Variants in CDC42 observed in about 807,000 individuals in gnomAD.
CDC42 encodes the protein cell division control protein 42 homolog.
In CDC42, 1 loss-of-function variant was observed where a neutral mutation model predicts 20.8. That is an observed-to-expected ratio of 0.05 (90% CI 0.02 to 0.23). CDC42 has a LOEUF of 0.23. Ranked by LOEUF, CDC42 falls within the 10% of genes least tolerant of loss-of-function variation. The pLI is 1.00. For synonymous variants in CDC42, 72 were observed against 84.8 expected (o/e 0.85, Z 0.83); for missense variants, 49 against 227.9 (o/e 0.21, Z 5.05).
intron 5 of CDC42, chr1:22,090,699 A>G (rs1195952765): frequency 1.0e-5 from 10 of 985,198 alleles, no homozygotes; most frequent in African/African-American, 1.7e-5. Flanking sequence ...GCTGAGATGT[A>G]AAGCTGCCAC....
chr1:22,089,430 C>G (rs1423797126), intron 5 of CDC42, among the ~76,000 whole-genome samples: 3 of 152,200 alleles, frequency 2.0e-5, no homozygotes, highest in Non-Finnish European at 4.4e-5. Flanking sequence ...TGCTGAATAA[C>G]TGAAGTGTAT....
chr1:22,078,882 G>T (rs907916425), intron 2 of CDC42: 2 of 1,207,036 alleles, frequency 1.7e-6, no homozygotes, highest in Non-Finnish European at 1.0e-6. Flanking sequence ...TTGGAATGAG[G>T]TGACTTTTTT....
intron 3 of CDC42, among the ~76,000 whole-genome samples, chr1:22,083,517 A>C (rs1645629537): frequency 6.6e-6 from 1 of 151,862 alleles, no homozygotes; most frequent in African/African-American, 2.4e-5. Context: ...AGACAGGAAA[A>C]TTGCTTGAAC....
chr1:22,067,110 G>A (rs1019018638), intron 1 of CDC42, among the ~76,000 whole-genome samples: 1 of 152,106 alleles, frequency 6.6e-6, no homozygotes, highest in Non-Finnish European at 1.5e-5. Context: ...ACAGGGGAAC[G>A]GAGCATGAGA....
At position 22,064,691 on chromosome 1, in the gene CDC42, C is replaced by CTT. The variant is rs35054876; in HGVS notation, c.-51+11960_-51+11961dup. Among the ~76,000 whole-genome samples, 457 of 146,120 alleles carry CTT rather than the reference C, an allele frequency of 3.1e-3. 1 individual carries two copies. Among genetic ancestry groups the CTT allele is most frequent in the African/African-American group, 7.7e-3 (305 of 39,694 alleles). ...TATAGAAGATTGCCTAGAGAAGATTCTTTTTTTTTTTTGAGAGTCTCACTC... is the reference window on the plus strand; with the variant it reads ...TATAGAAGATTGCCTAGAGAAGATTCTTTTTTTTTTTTTTGAGAGTCTCACTC... On this transcript the variant is annotated intron_variant, in intron 1 of 5. Transcript: ENST00000656825.
rs747002932 is a variant in CDC42, at chr1:22,094,294, A to ATTTTTTTTTTTTTTTTTTTTTTTTTTT, written c.*2798_*2799insTTTTTTTTTTTTTTTTTTTTTTTTTTT. Among the ~76,000 whole-genome samples, 1 of 38,302 alleles carries ATTTTTTTTTTTTTTTTTTTTTTTTTTT rather than the reference A, an allele frequency of 2.6e-5. No individual in the cohort carries two copies. The highest frequency in any genetic ancestry group is 1.2e-4 in the African/African-American group (1 of 8,200). 25.1% of individuals were successfully genotyped at this position (38,302 alleles called of 152,430 possible). A position where few individuals can be genotyped will look rare whatever the true frequency, so the allele number is the denominator to read the frequency against. ...GTTTTACTGAACATCCTAGAAATAGATTTTTTTTTTTTTTTTTTTTTGAGA... is the reference window on the plus strand; with the variant it reads ...GTTTTACTGAACATCCTAGAAATAGATTTTTTTTTTTTTTTTTTTTTTTTTTTTTTTTTTTTTTTTTTTTTTTTGAGA... On this transcript the variant is annotated 3_prime_UTR_variant, in exon 6 of 6. Coordinates refer to ENST00000656825, the MANE Select transcript of CDC42 (RefSeq NM_001791.4).
rs200253087 is a variant in CDC42 at position 22,095,935 on chromosome 1, AT to A, written c.*4425del. ...GATCCCAAGTCAGTGCTATTCATTC[AT>A]TTTTTTAAAAAAATTTATTTATTTA... On this transcript the variant is annotated 3_prime_UTR_variant, in exon 6 of 6. Coordinates refer to ENST00000656825, the MANE Select transcript of CDC42 (RefSeq NM_001791.4). Among the ~76,000 whole-genome samples the A allele has an allele frequency of 0.011, 1,617 of 151,952 alleles. 25 individuals are homozygous for A. The highest frequency in any genetic ancestry group is 0.037 in the African/African-American group (1,521 of 41,340).
rs768225228 is a variant in CDC42 at position 22,091,418 on chromosome 1, C to T, written c.487-10C>T. On this transcript the variant is annotated splice_polypyrimidine_tract_variant and intron_variant, in intron 5 of 5. Coordinates refer to ENST00000656825, the MANE Select transcript of CDC42 (RefSeq NM_001791.4). ...CAGACCGCCCATTTTTTCTTTCTAC[C>T]CCTTTTCAGAAAGGCCTAAAGAATG... The T allele has an allele frequency of 6.3e-7, 1 of 1,586,306 alleles. No individual in the cohort carries two copies. Among genetic ancestry groups the T allele is most frequent in the African/African-American group, 1.4e-5 (1 of 73,748 alleles).
rs193243942 is a variant in CDC42, at chr1:22,097,541, C to G, written c.*6024C>G. On this transcript the variant is annotated 3_prime_UTR_variant, in exon 6 of 6. Coordinates refer to ENST00000656825, the MANE Select transcript of CDC42 (RefSeq NM_001791.4). The stretch of plus-strand genomic sequence containing the variant: ...ATAGGCGTGAGCCACTGCGCCCGGC[C>G]TGAAATGTGTATTCTTAAGTCCGCC... Among the ~76,000 whole-genome samples the G allele has an allele frequency of 6.6e-6, 1 of 152,356 alleles. No homozygotes were observed. Among genetic ancestry groups the G allele is most frequent in the East Asian group, 1.9e-4 (1 of 5,188 alleles).
At chr1:22,089,093 C>G (rs16826559) in intron 5 of CDC42, among the ~76,000 whole-genome samples, 1,682 of 152,218 alleles carry the variant, frequency 0.011, 30 homozygotes, top group African/African-American at 0.038. Context: ...TCAAACTGAT[C>G]AAACTAAAGA....
chr1:22,096,210 C>A lies in CDC42; in HGVS notation c.*4693C>A, dbSNP rs1169872957. On this transcript the variant is annotated 3_prime_UTR_variant, in exon 6 of 6. Coordinates refer to ENST00000656825, the MANE Select transcript of CDC42 (RefSeq NM_001791.4). ...TCCTGACCTCCTGATCCGCCCTCCT[C>A]AGCCTCCCAAAGTGCTGGGATTATA... is the stretch of plus-strand genomic sequence containing the variant. 6.6e-6 allele frequency among the ~76,000 whole-genome samples: 1 copy of A among 152,142 alleles called. No homozygotes were observed. The highest frequency in any genetic ancestry group is 2.4e-5 in the African/African-American group (1 of 41,414).
rs530819300 is a variant in CDC42, at chr1:22,083,564, C to T, written c.178+1770C>T. ...AGGTTGCAGTGAGCCGAGATTCTGC[C>T]ACTGCCCTCCAGCCTGGCTGACAGA... On this transcript the variant is annotated intron_variant, in intron 3 of 5. Transcript: ENST00000656825. Among the ~76,000 whole-genome samples, 5 of 152,094 alleles carry T rather than the reference C, an allele frequency of 3.3e-5. No homozygotes were observed. The South Asian group carries it at 1.0e-3, about 32-fold the overall frequency.
intron 5 of CDC42, 99 bp downstream of exon 5, chr1:22,086,965 A>G (rs1409084761): frequency 1.0e-6 from 1 of 965,086 alleles, no homozygotes; most frequent in Non-Finnish European, 1.6e-6. Flanking sequence ...GCAGTGCTCA[A>G]AGATGCCCAG....
chr1:22,059,329 G>A (rs1306831304), intron 1 of CDC42: 1 of 152,020 alleles, frequency 6.6e-6, no homozygotes, highest in African/African-American at 2.4e-5. Flanking sequence ...ACATTTTATT[G>A]AAAACTAATT....
intron 4 of CDC42, 41 bp downstream of exon 4, chr1:22,086,589 A>G (rs1645664050): frequency 1.3e-6 from 2 of 1,584,596 alleles, no homozygotes; most frequent in South Asian, 1.1e-5. Context: ...AGATCATCTC[A>G]GAATTTCTAC....
rs1434687808 is a variant in CDC42, at chr1:22,086,470, G to C, written c.210G>C (p.Leu70=). 1 of 1,605,668 alleles carries C rather than the reference G, an allele frequency of 6.2e-7. No homozygotes were observed. The highest frequency in any genetic ancestry group is 8.5e-7 in the Non-Finnish European group (1 of 1,173,750). ...GQEDYDRLRP[L]SYPQTDVFLV... is the part of the protein sequence containing the mutation. ...AGGATTATGACAGATTACGACCGCTGAGTTATCCACAAACAGATGTATTTC... is the reference window on the plus strand; with the variant it reads ...AGGATTATGACAGATTACGACCGCTCAGTTATCCACAAACAGATGTATTTC... Residue 70 remains leucine, a synonymous_variant, in exon 4 of 6, where the codon CTG becomes CTC. Coordinates refer to ENST00000656825, the MANE Select transcript of CDC42 (RefSeq NM_001791.4).
intron 3 of CDC42, among the ~76,000 whole-genome samples, chr1:22,083,123 C>T (rs1032558177): frequency 3.1e-4 from 47 of 151,976 alleles, no homozygotes; most frequent in African/African-American, 9.7e-4. Flanking sequence ...TCAGGTGATC[C>T]GCCCGCCTTG....
intron 5 of CDC42, chr1:22,089,932 C>G: frequency 6.2e-7 from 1 of 1,612,652 alleles, no homozygotes; most frequent in Non-Finnish European, 8.5e-7. Context: ...CTCCTCCCCT[C>G]TGTCTTGTAG....
chr1:22,053,099 C>A (rs1645254465), intron 1 of CDC42, among the ~76,000 whole-genome samples: 1 of 151,280 alleles, frequency 6.6e-6, no homozygotes, highest in Admixed American at 6.6e-5. Context: ...CCCAGCCCGG[C>A]CCGGCGGGCT....
Sources: gnomAD v4.1 joint callset for allele counts (sites outside exome capture counted in the v4.1 genomes callset) on GRCh38, gnomAD v4.1.1 for gene constraint, MANE v1.5 for transcripts, NCBI Gene and HGNC (gene_info 2026-07-23, HGNC 2026-07-21) for gene names.